Variants in DCDC1 observed in about 807,000 individuals in gnomAD.
The protein encoded by DCDC1 is doublecortin domain-containing protein 1.
In DCDC1, 200 loss-of-function variants were observed where a neutral mutation model predicts 178.3. That is an observed-to-expected ratio of 1.12 (90% CI 1.00 to 1.26). The LOEUF (loss-of-function observed/expected upper bound fraction) is 1.26, where lower values mean the gene tolerates loss of function less well. Ranked by LOEUF, DCDC1 falls within the 50% of genes most tolerant of loss-of-function variation. The probability of loss-of-function intolerance (pLI) is 0.00; values close to 1 mark genes in which losing one functional copy is unlikely to be tolerated. For synonymous variants in DCDC1, 690 were observed against 604.8 expected (o/e 1.14, Z -2.07); for missense variants, 1,983 against 1,749.2 (o/e 1.13, Z -2.38).
intron 11 of DCDC1, among the ~76,000 whole-genome samples, chr11:31,124,401 T>C (rs999608227): frequency 3.3e-5 from 5 of 152,058 alleles, no homozygotes; most frequent in Non-Finnish European, 7.4e-5. Flanking sequence ...TAAATTACCA[T>C]TGACATTCTT....
At chr11:31,034,380 C>T (rs890207399) in intron 20 of DCDC1, among the ~76,000 whole-genome samples, 2 of 151,884 alleles carry the variant, frequency 1.3e-5, no homozygotes, top group East Asian at 1.9e-4. Context: ...CCTAAGTGAA[C>T]GTTTATAAAG....
chr11:31,066,749 G>A (rs1482522816), intron 18 of DCDC1, among the ~76,000 whole-genome samples: 2 of 152,038 alleles, frequency 1.3e-5, no homozygotes, highest in African/African-American at 4.8e-5. Context: ...GGGTTTTTAG[G>A]GCTGTTAAAC....
intron 22 of DCDC1, among the ~76,000 whole-genome samples, chr11:30,928,033 A>G (rs1465212968): frequency 3.3e-5 from 5 of 152,158 alleles, no homozygotes; most frequent in African/African-American, 1.2e-4. Context: ...TTGAAATTTG[A>G]TCTCCAATGA....
At chr11:31,171,076 C>A (rs144630986) in intron 9 of DCDC1, among the ~76,000 whole-genome samples, 2,487 of 152,244 alleles carry the variant, frequency 0.016, 31 homozygotes, top group South Asian at 0.041. Context: ...GATCCGCCCC[C>A]CTTGGCCTCC....
At chr11:31,053,014 A>G (rs1955356653) in intron 20 of DCDC1, among the ~76,000 whole-genome samples, 1 of 152,138 alleles carries the variant, frequency 6.6e-6, no homozygotes, top group Non-Finnish European at 1.5e-5. Flanking sequence ...ATGGAAACAA[A>G]AAAAATTACG....
chr11:31,299,946 C>T (rs1189182199), intron 6 of DCDC1, among the ~76,000 whole-genome samples: 2 of 152,214 alleles, frequency 1.3e-5, no homozygotes, highest in Non-Finnish European at 2.9e-5. Flanking sequence ...CAACCTCTGC[C>T]TCACGGGTTC....
chr11:31,164,094 A>G (rs1966562429), intron 9 of DCDC1, among the ~76,000 whole-genome samples: 1 of 152,204 alleles, frequency 6.6e-6, no homozygotes, highest in Admixed American at 6.5e-5. Context: ...ACTAAGGAAG[A>G]GAAATCTTTA....
Position 30,893,285 on chromosome 11 carries a change from G to C in DCDC1, c.4903-288C>G, listed in dbSNP as rs1463715622. The stretch of plus-strand genomic sequence containing the variant: ...TTTATAATGTGAAGAAATGCAGAGA[G>C]AAGTATTTTTGGACTTTTGCATGAT... On this transcript the variant is annotated intron_variant, in intron 35 of 38. Transcript: ENST00000684477. Among the ~76,000 whole-genome samples the C allele has an allele frequency of 3.3e-5, 5 of 152,286 alleles. No individual in the cohort carries two copies. The East Asian group carries it at 9.6e-4, about 29-fold the overall frequency.
chr11:31,281,046 C>T, intron 7 of DCDC1: 1 of 495,308 alleles, frequency 2.0e-6, no homozygotes, highest in South Asian at 1.7e-5. Flanking sequence ...ACGTCCCATT[C>T]TCCTTAAATT....
chr11:31,204,015 G>C (rs907351696), intron 9 of DCDC1, among the ~76,000 whole-genome samples: 2 of 152,070 alleles, frequency 1.3e-5, no homozygotes, highest in Non-Finnish European at 2.9e-5. Context: ...ATAAGCAACT[G>C]GAAATGTACT....
rs1168562625 is a variant in DCDC1 at position 31,317,497 on chromosome 11, C to T, written c.165-9589G>A. On this transcript the variant is annotated intron_variant, in intron 3 of 38. Coordinates refer to ENST00000684477, the MANE Select transcript of DCDC1 (RefSeq NM_001387274.1). ...TATAAGAATGCTTGTGATTCTTGTA[C>T]ATTGATTTTGTATCCTGAGACTTTG... Among the ~76,000 whole-genome samples, 4 of 57,300 alleles carry T rather than the reference C, an allele frequency of 7.0e-5. 2 individuals carry two copies. In the African/African-American group the frequency reaches 7.6e-4, roughly 11 times the overall value. 37.6% of individuals were successfully genotyped at this position (57,300 alleles called of 152,430 possible).
chr11:31,246,257 T>C (rs987793444), intron 8 of DCDC1, among the ~76,000 whole-genome samples: 3 of 152,058 alleles, frequency 2.0e-5, no homozygotes, highest in African/African-American at 7.2e-5. Context: ...CATAATATTG[T>C]AATTTTCACA....
chr11:30,905,154 G>A lies in DCDC1; in HGVS notation c.4115C>T (p.Ser1372Leu), dbSNP rs777624303. The change falls in exon 31 of 39, where the codon TCG becomes TTG. Residue 1372 changes from serine (S) to leucine (L), a missense_variant. Transcript: ENST00000684477. ...KVISVAEVDLSCDKAEKTLSY... is the reference protein window; with the variant it reads ...KVISVAEVDLLCDKAEKTLSY... ...TAGAGTTTTTTCAGCCTTGTCACACGACAAATCAACCTAATTTTTTAAAAA... is the reference window on the plus strand; with the variant it reads ...TAGAGTTTTTTCAGCCTTGTCACACAACAAATCAACCTAATTTTTTAAAAA... 10 of 1,593,226 alleles carry A rather than the reference G, an allele frequency of 6.3e-6. No homozygotes were observed. The highest frequency in any genetic ancestry group is 2.3e-5 in the East Asian group (1 of 44,176).
intron 20 of DCDC1, among the ~76,000 whole-genome samples, chr11:31,057,370 GT>G (rs770342613): frequency 1.2e-4 from 18 of 151,940 alleles, no homozygotes; most frequent in Admixed American, 3.9e-4. Context: ...AATCAAAAAT[GT>G]TTTCCAACCA....
intron 7 of DCDC1, among the ~76,000 whole-genome samples, chr11:31,271,531 A>G: frequency 6.6e-6 from 1 of 152,044 alleles, no homozygotes; most frequent in East Asian, 1.9e-4. Flanking sequence ...CTTTCTTCCC[A>G]TTCATTCTCA....
At chr11:31,009,007 C>T (rs1202062662) in intron 20 of DCDC1, among the ~76,000 whole-genome samples, 1 of 152,048 alleles carries the variant, frequency 6.6e-6, no homozygotes. Flanking sequence ...AGTAATTACT[C>T]CCCTATTCAG....
chr11:30,944,207 TC>T (rs1191333211), intron 21 of DCDC1: 2 of 415,896 alleles, frequency 4.8e-6, no homozygotes, highest in Non-Finnish European at 9.5e-6. Context: ...CCCTTCCTTC[TC>T]CTTTATTCAT....
intron 9 of DCDC1, among the ~76,000 whole-genome samples, chr11:31,142,912 A>C (rs542856228): frequency 6.6e-6 from 1 of 152,238 alleles, no homozygotes; most frequent in Admixed American, 6.5e-5. Context: ...GCTGTGGGCA[A>C]GGAGGGTATT....
intron 10 of DCDC1, among the ~76,000 whole-genome samples, chr11:31,129,056 A>G (rs893698624): frequency 3.3e-5 from 5 of 152,050 alleles, no homozygotes; most frequent in African/African-American, 1.2e-4. Flanking sequence ...AGCTAAAAAT[A>G]TGGTATTTGC....
Sources: allele counts gnomAD v4.1 joint callset (sites outside exome capture counted in the v4.1 genomes callset), GRCh38; gene constraint gnomAD v4.1.1; transcripts MANE v1.5; gene names NCBI Gene and HGNC (gene_info 2026-07-23, HGNC 2026-07-21).